The following ENOSF1 variants were observed in gnomAD, a reference collection of about 807,000 sequenced individuals.
ENOSF1 encodes the protein mitochondrial enolase superfamily member 1.
Under a neutral mutation model 68.2 loss-of-function variants are expected in ENOSF1, and 73 were observed. The observed-to-expected ratio is 1.07, with a 90% CI of 0.89 to 1.30. The LOEUF is 1.30. Ranked by LOEUF, ENOSF1 falls within the 50% of genes most tolerant of loss-of-function variation. The pLI, the probability that ENOSF1 is intolerant of heterozygous loss-of-function variation, is 0.00. For missense variants in ENOSF1, 589 were observed against 554.5 expected, an observed-to-expected ratio of 1.06 and a Z score of -0.62; for synonymous variants, 223 against 210.4, an observed-to-expected ratio of 1.06 and a Z score of -0.52.
At chr18:703,837 G>T (rs1047058669) in intron 2 of ENOSF1, among the ~76,000 whole-genome samples, 2 of 152,148 alleles carry the variant, frequency 1.3e-5, no homozygotes, top group East Asian at 3.9e-4. Flanking sequence ...CTTGGAGGTG[G>T]ATTTCTCCTG....
chr18:666,961 G>GGT (rs1191097104), downstream of ENOSF1, among the ~76,000 whole-genome samples: 10 of 22,882 alleles, frequency 4.4e-4, no homozygotes, highest in Admixed American at 2.1e-3. Context: ...TGATGGAGAT[G>GGT]GAGATGGTGA....
intron 3 of ENOSF1, among the ~76,000 whole-genome samples, chr18:696,368 T>C (rs895537947): frequency 1.5e-4 from 23 of 151,922 alleles, no homozygotes; most frequent in Non-Finnish European, 2.9e-4. Flanking sequence ...CCCGCCACCA[T>C]GCCCGGCTAA....
Position 691,234 on chromosome 18 carries a change from T to C in ENOSF1, c.466A>G (p.Thr156Ala), listed in dbSNP as rs2077130305. ...LVSCIDFRYI[T>A]DVLTEEDALE... ...GCATCCTCCTCAGTCAGGACATCAG[T>C]GATGTACCTGAAATCTATGCAGGAT... The change falls in exon 6 of 16, where the codon ACT becomes GCT. Residue 156 changes from threonine to alanine, a missense_variant. Physicochemically the swap from Thr to Ala is moderately conservative, Grantham distance 58. Transcript: ENST00000647584. 6.2e-7 allele frequency: 1 copy of C among 1,614,090 alleles called. No homozygotes were observed. Among genetic ancestry groups the C allele is most frequent in the South Asian group, 1.1e-5 (1 of 91,070 alleles).
chr18:704,563 A>G (rs910098101), intron 2 of ENOSF1, among the ~76,000 whole-genome samples: 4 of 150,660 alleles, frequency 2.7e-5, no homozygotes, highest in African/African-American at 9.8e-5. Flanking sequence ...CTTCCCCAAT[A>G]AGTTCGTGTG....
rs1467540375 is a variant in ENOSF1, at chr18:712,353, C to A, written c.84+151G>T. 2.1e-6 allele frequency: 3 copies of A among 1,438,188 alleles called. No homozygotes were observed. In the South Asian group the frequency reaches 3.7e-5, roughly 18 times the overall value. 89.1% of individuals were successfully genotyped at this position (1,438,188 alleles called of 1,614,324 possible). ...CGGGAGGGACCCGGGCCGCAAGCCG[C>A]GCGTACCATGGCGTCCGCGCTTACC... On this transcript the variant is annotated intron_variant, in intron 1 of 15. Coordinates refer to ENST00000647584, the MANE Select transcript of ENOSF1 (RefSeq NM_017512.7).
At chr18:669,128 A>C, downstream of ENOSF1, 1 of 1,614,206 alleles carries the variant, frequency 6.2e-7, no homozygotes, top group Non-Finnish European at 8.5e-7. Flanking sequence ...CATCAAAACC[A>C]ACCCTGACGA....
At chr18:694,398 C>G in intron 3 of ENOSF1, 64 bp from the exon 4 acceptor site, 1 of 1,477,118 alleles carries the variant, frequency 6.8e-7, no homozygotes, top group South Asian at 1.2e-5. Context: ...GGTGTGATGG[C>G]TCATGCCTGT....
At chr18:708,771 G>A (rs2079202200) in intron 1 of ENOSF1, among the ~76,000 whole-genome samples, 1 of 152,142 alleles carries the variant, frequency 6.6e-6, no homozygotes, top group Non-Finnish European at 1.5e-5. Flanking sequence ...CAGCAGCAGT[G>A]CAGAAAGTAA....
chr18:690,491 A>G, intron 8 of ENOSF1, 58 bp downstream of exon 8: 2 of 1,596,184 alleles, frequency 1.3e-6, no homozygotes, highest in Non-Finnish European at 1.7e-6. Context: ...GGACAGAAGG[A>G]AAAACAGGTT....
intron 1 of ENOSF1, among the ~76,000 whole-genome samples, chr18:709,993 T>G (rs982863531): frequency 1.3e-5 from 2 of 152,230 alleles, no homozygotes; most frequent in South Asian, 4.1e-4. Flanking sequence ...CTCCCCAAGA[T>G]AAAATGCTTA....
At chr18:690,729 G>GTTTCCCCTGGAGAGTCCAGCTT in intron 7 of ENOSF1, 98 bp from the exon 8 acceptor site, 2 of 1,552,444 alleles carry the variant, frequency 1.3e-6, no homozygotes, top group South Asian at 1.2e-5. Flanking sequence ...GAGTCCAGCT[G>GTTTCCCCTGGAGAGTCCAGCTT]TTCTCCTGAT....
At chr18:686,365 C>A in intron 9 of ENOSF1, 1 of 247,104 alleles carries the variant, frequency 4.0e-6, no homozygotes, top group Non-Finnish European at 7.9e-6. Flanking sequence ...AAAGGGGTGC[C>A]GAGTAAGCCA....
chr18:710,146 T>TCA (rs2079355497), intron 1 of ENOSF1, among the ~76,000 whole-genome samples: 2 of 151,974 alleles, frequency 1.3e-5, no homozygotes, highest in African/African-American at 4.8e-5. Context: ...TCTCTCTCTC[T>TCA]CACCCAGGCT....
downstream of ENOSF1, chr18:667,699 G>A (rs796286764): frequency 2.0e-5 from 3 of 152,286 alleles, no homozygotes; most frequent in African/African-American, 7.2e-5. Flanking sequence ...TTAATATTAT[G>A]TGTACTTTAT....
At chr18:701,482 CGGT>C (rs2078333974) in intron 2 of ENOSF1, among the ~76,000 whole-genome samples, 2 of 151,880 alleles carry the variant, frequency 1.3e-5, no homozygotes, top group South Asian at 4.2e-4. Flanking sequence ...AGGCTGGCCA[CGGT>C]GGCTCACGCC....
At chr18:668,258 C>T (rs15872), downstream of ENOSF1, among the ~76,000 whole-genome samples, 60,730 of 151,704 alleles carry the variant, frequency 0.4, 13,354 homozygotes, top group East Asian at 0.68. Context: ...TTACCTTTTT[C>T]GGAACAGTGA....
chr18:695,940 T>A (rs1195982664), intron 3 of ENOSF1, among the ~76,000 whole-genome samples: 1 of 152,130 alleles, frequency 6.6e-6, no homozygotes, highest in African/African-American at 2.4e-5. Context: ...GAAAGTACAT[T>A]CTCTTGTGCC....
intron 2 of ENOSF1, among the ~76,000 whole-genome samples, chr18:705,751 G>A (rs1226168067): frequency 1.3e-5 from 2 of 152,100 alleles, no homozygotes; most frequent in Non-Finnish European, 2.9e-5. Context: ...GCTCACACCT[G>A]TAATCCCAGC....
intron 1 of ENOSF1, among the ~76,000 whole-genome samples, chr18:711,710 G>A (rs1289972069): frequency 6.6e-6 from 1 of 152,152 alleles, no homozygotes; most frequent in Admixed American, 6.5e-5. Context: ...CAATATTTAG[G>A]TAGGAGTCAG....
Sources: gnomAD v4.1 joint callset for allele counts (sites outside exome capture counted in the v4.1 genomes callset) on GRCh38, gnomAD v4.1.1 for gene constraint, MANE v1.5 for transcripts, NCBI Gene and HGNC (gene_info 2026-07-23, HGNC 2026-07-21) for gene names.